The following PLCG2 variants were observed in gnomAD, a reference collection of about 807,000 sequenced individuals.
The protein encoded by PLCG2 is phospholipase C gamma 2.
PLCG2 carries 69 observed loss-of-function variants against 175.6 expected under a neutral mutation model. The ratio of observed to expected loss-of-function variants is 0.39; its 90% confidence interval spans 0.32 to 0.48. The LOEUF (loss-of-function observed/expected upper bound fraction) is 0.48, where lower values mean the gene tolerates loss of function less well. Among genes scored for constraint, PLCG2 ranks in the 20% least tolerant of loss-of-function variants. The pLI, the probability that PLCG2 is intolerant of heterozygous loss-of-function variation, is 0.91. For synonymous variants in PLCG2, 827 were observed against 624.0 expected (o/e 1.33, Z -4.85); for missense variants, 1,798 against 1,650.9 (o/e 1.09, Z -1.54).
At chr16:81,868,764 C>G (rs1046656546) in intron 5 of PLCG2, among the ~76,000 whole-genome samples, 1 of 152,268 alleles carries the variant, frequency 6.6e-6, no homozygotes, top group African/African-American at 2.4e-5. Context: ...ACATCATTTT[C>G]TGCCCACACT....
At chr16:81,931,312 A>T in intron 24 of PLCG2, 185 bp from the exon 25 acceptor site, 1 of 489,234 alleles carries the variant, frequency 2.0e-6, no homozygotes, top group Non-Finnish European at 3.6e-6. Context: ...AATCTACTGC[A>T]TCCCTTGAGT....
intron 2 of PLCG2, among the ~76,000 whole-genome samples, chr16:81,759,218 G>A (rs772824044): frequency 6.6e-6 from 1 of 151,890 alleles, no homozygotes; most frequent in Non-Finnish European, 1.5e-5. Context: ...TACATGATTT[G>A]CAAATATTCT....
chr16:81,800,738 C>T (rs538115446), intron 2 of PLCG2, among the ~76,000 whole-genome samples: 37 of 152,080 alleles, frequency 2.4e-4, no homozygotes, highest in Admixed American at 8.5e-4. Context: ...TCTCTGCTCC[C>T]AAGATGCCCT....
rs1462891470 is a variant in PLCG2 at position 81,961,425 on chromosome 16, GC to G, written c.*3428del. On this transcript the variant is annotated 3_prime_UTR_variant, in exon 33 of 33. Transcript: ENST00000564138. ...TGTTTAATAATTTAGTGAAATTTGG[GC>G]TATGTGTTTATTGATTCAGCTCAAT... 2 of 226,552 alleles carry G rather than the reference GC, an allele frequency of 8.8e-6. No homozygotes were observed. Among genetic ancestry groups the G allele is most frequent in the African/African-American group, 4.4e-5 (2 of 45,072 alleles). 14.0% of individuals were successfully genotyped at this position (226,552 alleles called of 1,614,324 possible).
At position 81,930,722 on chromosome 16, in the gene PLCG2, T is replaced by C. The variant is rs1910462912; in HGVS notation, c.2582-775T>C. ...AAGATCGCACCACTGCACTTCAGCC[T>C]GGGTGACAGAGTGCCACCCTGTCTC... On this transcript the variant is annotated intron_variant, in intron 24 of 32. Transcript: ENST00000564138. 2.2e-5 allele frequency among the ~76,000 whole-genome samples: 3 copies of C among 137,006 alleles called. No individual in the cohort carries two copies. In the South Asian group the frequency reaches 7.1e-4, roughly 33 times the overall value. 89.9% of individuals were successfully genotyped at this position (137,006 alleles called of 152,430 possible).
chr16:81,878,140 GC>G (rs1907905247), intron 7 of PLCG2, among the ~76,000 whole-genome samples: 2 of 151,448 alleles, frequency 1.3e-5, no homozygotes, highest in Admixed American at 1.3e-4. Context: ...CCACCACCAC[GC>G]CTGGCTAATT....
intron 2 of PLCG2, among the ~76,000 whole-genome samples, chr16:81,839,013 T>G (rs192384024): frequency 3.9e-5 from 6 of 152,044 alleles, no homozygotes; most frequent in African/African-American, 1.4e-4. Context: ...CCTTTATGAC[T>G]CACAGAACCA....
intron 2 of PLCG2, among the ~76,000 whole-genome samples, chr16:81,821,484 C>G (rs1425679741): frequency 1.3e-5 from 2 of 152,150 alleles, no homozygotes; most frequent in East Asian, 3.9e-4. Context: ...TGCTGTGTGT[C>G]TTGGTGATCG....
intron 8 of PLCG2, among the ~76,000 whole-genome samples, chr16:81,881,961 A>G (rs1211971236): frequency 6.6e-6 from 1 of 152,112 alleles, no homozygotes; most frequent in Non-Finnish European, 1.5e-5. Flanking sequence ...CATAATTTCT[A>G]TGTAGTATTT....
intron 2 of PLCG2, among the ~76,000 whole-genome samples, chr16:81,786,499 C>T (rs1363511939): frequency 6.6e-6 from 1 of 152,212 alleles, no homozygotes; most frequent in East Asian, 1.9e-4. Flanking sequence ...CTGGTTCCCA[C>T]AACTGGTCGA....
chr16:81,902,150 G>T (rs1050628113), intron 14 of PLCG2, among the ~76,000 whole-genome samples: 3 of 152,170 alleles, frequency 2.0e-5, no homozygotes, highest in African/African-American at 7.2e-5. Flanking sequence ...GCTTAGTCAC[G>T]TTACCTGCAA....
chr16:81,937,769 C>T lies in PLCG2; in HGVS notation c.3064C>T (p.Gln1022Ter). Residue 1022 changes from glutamine (Q) to a stop codon, truncating the protein, a stop_gained, in exon 28 of 33, where the codon CAG becomes TAG. Coordinates refer to ENST00000564138, the MANE Select transcript of PLCG2 (RefSeq NM_002661.5). LOFTEE classifies it high-confidence loss of function. The stretch of plus-strand genomic sequence containing the variant: ...ACTTTCCTTCCCAGATAAGTACATG[C>T]AGATGAATCACGCATTGTTTTCTCT... ...LNFQTADKYMQMNHALFSLNG... is the reference protein window; with the variant it reads ...LNFQTADKYM The T allele has an allele frequency of 6.2e-7, 1 of 1,613,936 alleles. No homozygotes were observed. The highest frequency in any genetic ancestry group is 8.5e-7 in the Non-Finnish European group (1 of 1,179,880).
At chr16:81,802,656 C>G (rs546495970) in intron 2 of PLCG2, among the ~76,000 whole-genome samples, 7 of 152,200 alleles carry the variant, frequency 4.6e-5, no homozygotes, top group African/African-American at 1.7e-4. Context: ...ACTACAACCT[C>G]TGCCTCCCAG....
chr16:81,907,783 A>C lies in PLCG2; in HGVS notation c.1557+9A>C. ...AGGAGGAAGTGCCCCAGGTAGGGGG[A>C]CACCCTAGCCACATAGGGAGGAGGT... On this transcript the variant is annotated intron_variant, in intron 16 of 32. Transcript: ENST00000564138. 1 of 1,604,194 alleles carries C rather than the reference A, an allele frequency of 6.2e-7. No homozygotes were observed. The highest frequency in any genetic ancestry group is 8.5e-7 in the Non-Finnish European group (1 of 1,171,990).
At chr16:81,853,473 G>A (rs549992846) in intron 2 of PLCG2, among the ~76,000 whole-genome samples, 1 of 152,304 alleles carries the variant, frequency 6.6e-6, no homozygotes, top group South Asian at 2.1e-4. Context: ...AGATGGTGGG[G>A]GCAGTGGGGG....
chr16:81,760,380 C>T (rs921606448), intron 2 of PLCG2, among the ~76,000 whole-genome samples: 10 of 152,228 alleles, frequency 6.6e-5, no homozygotes, highest in African/African-American at 2.2e-4. Context: ...CTACCTTTGC[C>T]AGATATGTAC....
chr16:81,889,821 A>AT (rs965837664), intron 10 of PLCG2, among the ~76,000 whole-genome samples: 16 of 151,492 alleles, frequency 1.1e-4, no homozygotes, highest in African/African-American at 2.7e-4. Flanking sequence ...TGTCTGGCTA[A>AT]TTTTTTTTGT....
chr16:81,748,879 C>T (rs1046955678), intron 1 of PLCG2, among the ~76,000 whole-genome samples: 15 of 152,114 alleles, frequency 9.9e-5, no homozygotes, highest in Non-Finnish European at 1.9e-4. Context: ...CAGAGAGGCT[C>T]GGTGAGATGC....
intron 2 of PLCG2, among the ~76,000 whole-genome samples, chr16:81,816,139 G>A (rs1446829905): frequency 6.6e-6 from 1 of 151,966 alleles, no homozygotes; most frequent in African/African-American, 2.4e-5. Flanking sequence ...GGGAGGCTGA[G>A]GCAGGAGGAT....
Sources: gnomAD v4.1 joint callset for allele counts (sites outside exome capture counted in the v4.1 genomes callset) on GRCh38, gnomAD v4.1.1 for gene constraint, MANE v1.5 for transcripts, NCBI Gene and HGNC (gene_info 2026-07-23, HGNC 2026-07-21) for gene names.